BMPR2: variants seen among roughly 807,000 people sequenced by gnomAD.
The protein encoded by BMPR2 is bone morphogenetic protein receptor type 2.
A neutral mutation model predicts 100.8 loss-of-function variants in BMPR2; 29 were observed. The observed-to-expected ratio is 0.29, with a 90% CI of 0.21 to 0.39. The LOEUF is 0.39. BMPR2 is among the 10% of genes least tolerant of loss of function. BMPR2 has a pLI of 1.00. For missense variants in BMPR2, 1,011 were observed against 1,274.5 expected (o/e 0.79, Z 3.15); for synonymous variants, 382 against 442.3 (o/e 0.86, Z 1.71).
At chr2:202,462,702 G>C (rs528153356) in intron 1 of BMPR2, among the ~76,000 whole-genome samples, 2 of 140,848 alleles carry the variant, frequency 1.4e-5, no homozygotes, top group African/African-American at 5.3e-5. Flanking sequence ...TTTGTTTTTT[G>C]TTGTTGTTGT....
intron 1 of BMPR2, among the ~76,000 whole-genome samples, chr2:202,441,550 A>C (rs1179033240): frequency 3.4e-5 from 5 of 146,748 alleles, no homozygotes; most frequent in Admixed American, 6.7e-5. Context: ...TAAAAAAAAA[A>C]AACAACAAAA....
chr2:202,492,749 C>T (rs982294344), intron 3 of BMPR2, among the ~76,000 whole-genome samples: 1 of 125,428 alleles, frequency 8.0e-6, no homozygotes, highest in Non-Finnish European at 1.7e-5. Flanking sequence ...AAAAGGAAAT[C>T]AGTGTGCGAA....
chr2:202,474,245 G>A, intron 3 of BMPR2, among the ~76,000 whole-genome samples: 1 of 152,076 alleles, frequency 6.6e-6, no homozygotes, highest in Middle Eastern at 3.2e-3. Flanking sequence ...CATGAGGTCA[G>A]GAGTTCGAGA....
chr2:202,434,908 A>AAAAATATATATATATATAT (rs1559037398), intron 1 of BMPR2, among the ~76,000 whole-genome samples: 1 of 38,416 alleles, frequency 2.6e-5, no homozygotes, highest in Non-Finnish European at 4.4e-5. Context: ...AAAAAAAAAA[A>AAAAATATATATATATATAT]ATATATATAT....
At chr2:202,543,960 G>C (rs1390175352) in intron 10 of BMPR2, among the ~76,000 whole-genome samples, 1 of 152,016 alleles carries the variant, frequency 6.6e-6, no homozygotes, top group East Asian at 1.9e-4. Context: ...AGTGAGCTAT[G>C]ATCACACCAC....
chr2:202,475,788 C>T (rs749152007), intron 3 of BMPR2, among the ~76,000 whole-genome samples: 1 of 152,036 alleles, frequency 6.6e-6, no homozygotes, highest in Non-Finnish European at 1.5e-5. Context: ...ATCTAAGTCC[C>T]GGCCGGGTGC....
intron 3 of BMPR2, among the ~76,000 whole-genome samples, chr2:202,491,129 C>G (rs1692892303): frequency 6.6e-6 from 1 of 151,952 alleles, no homozygotes; most frequent in Non-Finnish European, 1.5e-5. Flanking sequence ...GCCATGTTGC[C>G]CAGGCTGGTC....
chr2:202,429,575 A>G (rs1691463883), intron 1 of BMPR2, among the ~76,000 whole-genome samples: 1 of 152,132 alleles, frequency 6.6e-6, no homozygotes, highest in Admixed American at 6.6e-5. Flanking sequence ...TATTCCCTAG[A>G]GAGATTGGGC....
intron 11 of BMPR2, among the ~76,000 whole-genome samples, chr2:202,554,310 G>GA (rs572638647): frequency 2.0e-5 from 3 of 150,900 alleles, no homozygotes; most frequent in Non-Finnish European, 3.0e-5. Flanking sequence ...TGAATGGTAA[G>GA]AAAAAAAAAC....
At chr2:202,469,841 AG>A (rs200916983) in intron 3 of BMPR2, among the ~76,000 whole-genome samples, 7 of 152,012 alleles carry the variant, frequency 4.6e-5, no homozygotes, top group African/African-American at 1.7e-4. Flanking sequence ...TTGAAAGATA[AG>A]GGGGGGAAAA....
At chr2:202,470,670 A>AG (rs377575725) in intron 3 of BMPR2, among the ~76,000 whole-genome samples, 3 of 150,844 alleles carry the variant, frequency 2.0e-5, no homozygotes, top group African/African-American at 7.3e-5. Context: ...AGGCTGAGGC[A>AG]GGAGAATGGC....
chr2:202,411,027 C>A (rs1466338981), intron 1 of BMPR2, among the ~76,000 whole-genome samples: 2 of 151,998 alleles, frequency 1.3e-5, no homozygotes, highest in African/African-American at 2.4e-5. Context: ...AATAGAAAAT[C>A]ATCATTAGGC....
chr2:202,451,746 TTTGTTG>T (rs972869979), intron 1 of BMPR2, among the ~76,000 whole-genome samples: 1 of 152,086 alleles, frequency 6.6e-6, no homozygotes, highest in African/African-American at 2.4e-5. Context: ...TGTTTTGTTT[TTTGTTG>T]TTGTTGTTGT....
Position 202,442,616 on chromosome 2 carries a change from T to G in BMPR2, c.77-22193T>G, listed in dbSNP as rs140251440. Among the ~76,000 whole-genome samples the G allele has an allele frequency of 4.0e-4, 60 of 150,466 alleles. 6 individuals are homozygous for G. The highest frequency in any genetic ancestry group is 8.6e-4 in the Admixed American group (13 of 15,194). On this transcript the variant is annotated intron_variant, in intron 1 of 12. Coordinates refer to ENST00000374580, the MANE Select transcript of BMPR2 (RefSeq NM_001204.7). ...CTTCCTACTTCACCCTCCCTCTAGC[T>G]CCTGGCAACAAACCACCATTTGACT...
chr2:202,412,706 A>G (rs1691038644), intron 1 of BMPR2, among the ~76,000 whole-genome samples: 1 of 152,188 alleles, frequency 6.6e-6, no homozygotes, highest in Non-Finnish European at 1.5e-5. Context: ...AGTTTTGTAA[A>G]TTTTATAATC....
intron 1 of BMPR2, among the ~76,000 whole-genome samples, chr2:202,416,344 A>G (rs1333067583): frequency 6.6e-6 from 1 of 151,460 alleles, no homozygotes; most frequent in Admixed American, 6.6e-5. Context: ...AGCTCACTGC[A>G]GCATCAACCT....
intron 1 of BMPR2, among the ~76,000 whole-genome samples, chr2:202,390,906 A>G (rs1690533388): frequency 6.6e-6 from 1 of 150,638 alleles, no homozygotes. Context: ...TTCCTTTATG[A>G]CATCTGGTTT....
At chr2:202,523,121 A>G (rs1687848409) in intron 7 of BMPR2, among the ~76,000 whole-genome samples, 1 of 152,238 alleles carries the variant, frequency 6.6e-6, no homozygotes. Context: ...GCCAACAAAT[A>G]TATGAAAAAA....
intron 1 of BMPR2, among the ~76,000 whole-genome samples, chr2:202,456,816 G>A (rs940655965): frequency 6.6e-6 from 1 of 152,060 alleles, no homozygotes; most frequent in African/African-American, 2.4e-5. Flanking sequence ...TGTCCAGACT[G>A]TATAGCACTT....
Sources: gnomAD v4.1 joint callset for allele counts (sites outside exome capture counted in the v4.1 genomes callset) on GRCh38, gnomAD v4.1.1 for gene constraint, MANE v1.5 for transcripts, NCBI Gene and HGNC (gene_info 2026-07-23, HGNC 2026-07-21) for gene names.